The following MTOR variants were observed in gnomAD, a reference collection of about 807,000 sequenced individuals.
MTOR encodes the protein serine/threonine-protein kinase mTOR.
MTOR carries 70 observed loss-of-function variants against 319.8 expected under a neutral mutation model. The ratio of observed to expected loss-of-function variants is 0.22; its 90% CI spans 0.18 to 0.27. MTOR has a LOEUF of 0.27. Ranked by LOEUF, MTOR falls within the 10% of genes least tolerant of loss-of-function variation. The pLI is 1.00. For synonymous variants in MTOR, 1,183 were observed against 1,211.4 expected, an observed-to-expected ratio of 0.98 and a Z score of 0.49; for missense variants, 1,890 against 3,274.4, an observed-to-expected ratio of 0.58 and a Z score of 10.32.
intron 25 of MTOR, 130 bp from the exon 26 acceptor site, chr1:11,204,833 A>G (rs975059830): frequency 1.9e-6 from 2 of 1,078,050 alleles, no homozygotes; most frequent in Admixed American, 2.8e-5. Flanking sequence ...ATTCCCCTAG[A>G]GTACAAATAC....
At chr1:11,131,552 G>C (rs1643161864) in intron 38 of MTOR, 1 of 152,262 alleles carries the variant, frequency 6.6e-6, no homozygotes, top group Admixed American at 6.5e-5. Context: ...GAGCCTGACA[G>C]AGAAAGAATC....
rs377720670 is a variant in MTOR, at chr1:11,150,187, C to T, written c.4509G>A (p.Leu1503=). The T allele has an allele frequency of 1.1e-5, 18 of 1,613,978 alleles. No homozygotes were observed. The highest frequency in any genetic ancestry group is 1.5e-5 in the Non-Finnish European group (18 of 1,180,018). Residue 1503 remains leucine, a synonymous_variant, in exon 31 of 58, where the codon CTG becomes CTA. Coordinates refer to ENST00000361445, the MANE Select transcript of MTOR (RefSeq NM_004958.4). The part of the protein sequence containing the change: ...LHQQCCEKWT[L]VNDETQAKMA... ...TCTTGGCTTGGGTCTCATCATTAAC[C>T]AGGGTCCACTTTTCACAGCACTGCT...
chr1:11,178,305 A>T (rs903750245), intron 28 of MTOR, among the ~76,000 whole-genome samples: 1 of 152,198 alleles, frequency 6.6e-6, no homozygotes, highest in African/African-American at 2.4e-5. Flanking sequence ...TATAGGGCCC[A>T]GGTACCTTAG....
At chr1:11,200,928 T>C (rs1209320628) in intron 26 of MTOR, among the ~76,000 whole-genome samples, 1 of 150,648 alleles carries the variant, frequency 6.6e-6, no homozygotes, top group East Asian at 2.0e-4. Flanking sequence ...GGCAGGAGAA[T>C]GGCTTGAACC....
intron 19 of MTOR, among the ~76,000 whole-genome samples, chr1:11,225,248 C>T (rs932562003): frequency 4.6e-5 from 7 of 152,086 alleles, no homozygotes; most frequent in South Asian, 2.1e-4. Flanking sequence ...ACATATCTTA[C>T]GGTATGTAAG....
chr1:11,213,290 G>T, intron 21 of MTOR, 109 bp downstream of exon 21: 1 of 1,165,736 alleles, frequency 8.6e-7, no homozygotes, highest in South Asian at 1.5e-5. Flanking sequence ...CTGTCTTATG[G>T]AATGGGCATC....
intron 20 of MTOR, among the ~76,000 whole-genome samples, chr1:11,214,558 T>C (rs941582273): frequency 3.3e-5 from 5 of 152,192 alleles, no homozygotes; most frequent in African/African-American, 1.2e-4. Context: ...AGCCTCTAAA[T>C]AGTTCAAAGT....
intron 13 of MTOR, among the ~76,000 whole-genome samples, chr1:11,235,611 A>G (rs375183882): frequency 2.9e-4 from 44 of 152,344 alleles, no homozygotes; most frequent in African/African-American, 1.0e-3. Context: ...AATTCAGTAC[A>G]TAAATTCATT....
intron 26 of MTOR, among the ~76,000 whole-genome samples, chr1:11,201,393 T>C (rs1645964394): frequency 6.6e-6 from 1 of 152,160 alleles, no homozygotes; most frequent in African/African-American, 2.4e-5. Flanking sequence ...TTTTAAAGCA[T>C]TAAAAAATAC....
intron 8 of MTOR, among the ~76,000 whole-genome samples, 170 bp from the exon 9 acceptor site, chr1:11,243,470 G>C (rs1445641824): frequency 6.6e-6 from 1 of 151,888 alleles, no homozygotes; most frequent in Non-Finnish European, 1.5e-5. Context: ...GGAGAGAGGA[G>C]TGTTTGAGGC....
chr1:11,153,191 G>C (rs1170884475), intron 30 of MTOR, among the ~76,000 whole-genome samples: 15 of 152,204 alleles, frequency 9.9e-5, no homozygotes, highest in Admixed American at 9.8e-4. Context: ...GAGTGGAAGG[G>C]GAAGGGGCCA....
chr1:11,184,854 G>A (rs889413185), intron 28 of MTOR, among the ~76,000 whole-genome samples: 11 of 152,230 alleles, frequency 7.2e-5, no homozygotes. Context: ...CATGTCTACA[G>A]AGGATCAGTC....
At position 11,127,860 on chromosome 1, in the gene MTOR, G is replaced by C. The variant is rs2100410326; in HGVS notation, c.6034-54C>G. 6.3e-7 allele frequency: 1 copy of C among 1,590,334 alleles called. No individual in the cohort carries two copies. Among genetic ancestry groups the C allele is most frequent in the Non-Finnish European group, 8.6e-7 (1 of 1,168,142 alleles). ...ATCAAGAATCAGCTAACCTCAGAAA[G>C]GTCTGTTTTGGAGACACAGGAGGTA... is the stretch of plus-strand genomic sequence containing the variant. On this transcript the variant is annotated intron_variant, in intron 43 of 57. Coordinates refer to ENST00000361445, the MANE Select transcript of MTOR (RefSeq NM_004958.4). The surrounding 1 kb of genome is among the most constrained non-coding windows in gnomAD (Gnocchi z 5.5).
At chr1:11,194,848 T>C (rs1645719385) in intron 28 of MTOR, 6 of 1,613,896 alleles carry the variant, frequency 3.7e-6, no homozygotes, top group African/African-American at 1.3e-5. Flanking sequence ...CTGTTTCTCA[T>C]GCCAGGTGGC....
chr1:11,154,168 AAACAACAAC>A (rs374971011), intron 30 of MTOR, among the ~76,000 whole-genome samples: 41 of 149,118 alleles, frequency 2.7e-4, no homozygotes, highest in East Asian at 3.9e-4. Flanking sequence ...GGACTGAGAA[AAACAACAAC>A]AACAACAACA....
At chr1:11,162,692 T>C (rs887026390) in intron 29 of MTOR, among the ~76,000 whole-genome samples, 1 of 152,132 alleles carries the variant, frequency 6.6e-6, no homozygotes, top group Admixed American at 6.5e-5. Context: ...CTAAGCTTCA[T>C]AAGTGAAGGA....
chr1:11,238,766 C>CCT, intron 11 of MTOR, 149 bp from the exon 12 acceptor site: 1 of 477,154 alleles, frequency 2.1e-6, no homozygotes, highest in Non-Finnish European at 3.6e-6. Context: ...CGGAACTCTT[C>CCT]TTTTTTTTTT....
intron 26 of MTOR, among the ~76,000 whole-genome samples, chr1:11,200,913 G>T (rs1372620497): frequency 1.3e-5 from 2 of 151,894 alleles, no homozygotes; most frequent in Non-Finnish European, 2.9e-5. Flanking sequence ...TTCTCAGGAG[G>T]CTGAGGCAGG....
Position 11,199,591 on chromosome 1 carries a change from C to T in MTOR, c.4057G>A (p.Val1353Ile), listed in dbSNP as rs2100746175. 1 of 1,614,206 alleles carries T rather than the reference C, an allele frequency of 6.2e-7. No homozygotes were observed. Among genetic ancestry groups the T allele is most frequent in the East Asian group, 2.2e-5 (1 of 44,884 alleles). The change falls in exon 27 of 58, where the codon GTC becomes ATC. Residue 1353 changes from valine (V) to isoleucine (I), a missense_variant. Transcript: ENST00000361445. The surrounding 1 kb of genome is among the most constrained non-coding windows in gnomAD (Gnocchi z 4.5). ...GCCAAGTTTAAGAGGGTCTGTGTGA[C>T]TTCAGCGATGTCTTGTGAGGTGAGG... Reference protein sequence around the residue: ...LALTSQDIAEVTQTLLNLAEF... With the variant: ...LALTSQDIAEITQTLLNLAEF...
Sources: allele counts gnomAD v4.1 joint callset (sites outside exome capture counted in the v4.1 genomes callset), GRCh38; gene constraint gnomAD v4.1.1; non-coding constraint Gnocchi (gnomAD v3.1); transcripts MANE v1.5; gene names NCBI Gene and HGNC (gene_info 2026-07-23, HGNC 2026-07-21).